Variants in DCLK2 observed in about 807,000 individuals in gnomAD.
DCLK2 encodes serine/threonine-protein kinase DCLK2.
Under a neutral mutation model 78.4 loss-of-function variants are expected in DCLK2, and 31 were observed. The ratio of observed to expected loss-of-function variants is 0.40; its 90% confidence interval spans 0.30 to 0.53. The LOEUF is 0.53. DCLK2 is among the 20% of genes least tolerant of loss of function. DCLK2 has a pLI of 0.61. For missense variants in DCLK2, 872 were observed against 973.7 expected (o/e 0.90, Z 1.39); for synonymous variants, 407 against 374.9 (o/e 1.09, Z -0.99).
At chr4:150,125,970 AT>A (rs1340825706) in intron 2 of DCLK2, among the ~76,000 whole-genome samples, 6 of 152,122 alleles carry the variant, frequency 3.9e-5, no homozygotes, top group Admixed American at 2.0e-4. Flanking sequence ...AAAGAAAATA[AT>A]TTGTCTTAGT....
At chr4:150,089,628 C>G (rs1238992140) in intron 1 of DCLK2, among the ~76,000 whole-genome samples, 1 of 152,170 alleles carries the variant, frequency 6.6e-6, no homozygotes, top group Non-Finnish European at 1.5e-5. Context: ...TTAATTACTT[C>G]AATTACATTA....
At chr4:150,104,422 A>AAAAAAAAAAAAAC (rs1731105646) in intron 2 of DCLK2, among the ~76,000 whole-genome samples, 2 of 141,184 alleles carry the variant, frequency 1.4e-5, no homozygotes, top group Admixed American at 7.2e-5. Context: ...AAAAAAAAAA[A>AAAAAAAAAAAAAC]ATCGAGCATC....
chr4:150,232,910 G>A, intron 10 of DCLK2, 82 bp downstream of exon 10: 1 of 1,506,968 alleles, frequency 6.6e-7, no homozygotes, highest in Non-Finnish European at 9.0e-7. Context: ...GCATTTTATA[G>A]TCTATACCAA....
At chr4:150,094,440 G>A (rs1183614859) in intron 1 of DCLK2, among the ~76,000 whole-genome samples, 3 of 152,178 alleles carry the variant, frequency 2.0e-5, no homozygotes, top group Non-Finnish European at 4.4e-5. Flanking sequence ...ACTACAAAGT[G>A]CGCTTGGACT....
At chr4:150,096,039 T>C (rs1730436017) in intron 1 of DCLK2, among the ~76,000 whole-genome samples, 1 of 152,224 alleles carries the variant, frequency 6.6e-6, no homozygotes, top group Non-Finnish European at 1.5e-5. Flanking sequence ...GAAAATCAAA[T>C]ATACATTTTT....
chr4:150,255,691 T>C (rs1744507659), intron 15 of DCLK2, among the ~76,000 whole-genome samples: 1 of 152,206 alleles, frequency 6.6e-6, no homozygotes, highest in Non-Finnish European at 1.5e-5. Context: ...TTGCTTATTG[T>C]CTCAGAATTC....
At chr4:150,253,568 G>A (rs550541470) in intron 15 of DCLK2, 144 of 1,289,568 alleles carry the variant, frequency 1.1e-4, no homozygotes, top group East Asian at 2.8e-4. Context: ...TATTCACCAC[G>A]CTGCGTCCGA....
At chr4:150,138,676 C>CTCTCT (rs35215580) in intron 2 of DCLK2, among the ~76,000 whole-genome samples, 8 of 151,662 alleles carry the variant, frequency 5.3e-5, no homozygotes, top group Middle Eastern at 3.4e-3. Flanking sequence ...GACTCTTATT[C>CTCTCT]TTTTTTTTGA....
At chr4:150,243,521 C>T (rs147832542) in intron 12 of DCLK2, among the ~76,000 whole-genome samples, 1 of 152,270 alleles carries the variant, frequency 6.6e-6, no homozygotes, top group East Asian at 1.9e-4. Context: ...AGTAGATTGT[C>T]TACATTTGTA....
At chr4:150,115,730 G>A (rs139550765) in intron 2 of DCLK2, among the ~76,000 whole-genome samples, 5 of 152,200 alleles carry the variant, frequency 3.3e-5, no homozygotes, top group South Asian at 2.1e-4. Context: ...AATGGCAGAG[G>A]TCTCTTGAAG....
At chr4:150,237,465 T>C (rs1371429725) in intron 10 of DCLK2, among the ~76,000 whole-genome samples, 1 of 152,204 alleles carries the variant, frequency 6.6e-6, no homozygotes, top group African/African-American at 2.4e-5. Flanking sequence ...CATAAAGATA[T>C]GTGTTAGAGA....
chr4:150,182,687 A>T (rs1737621120), intron 2 of DCLK2, among the ~76,000 whole-genome samples: 1 of 152,138 alleles, frequency 6.6e-6, no homozygotes, highest in Non-Finnish European at 1.5e-5. Flanking sequence ...AATGAAATGC[A>T]GCTCCCTTTT....
At chr4:150,105,984 C>G (rs1045803777) in intron 2 of DCLK2, among the ~76,000 whole-genome samples, 2 of 151,960 alleles carry the variant, frequency 1.3e-5, no homozygotes, top group African/African-American at 4.8e-5. Flanking sequence ...AAAACAAAAA[C>G]TCAAGCACTG....
intron 2 of DCLK2, among the ~76,000 whole-genome samples, chr4:150,175,026 A>ATATATATATATTTATATATATT (rs1560834512): frequency 1.8e-5 from 1 of 55,140 alleles, no homozygotes; most frequent in Non-Finnish European, 3.7e-5. Context: ...ATATATATAT[A>ATATATATATATTTATATATATT]TATATATTTA....
chr4:150,193,021 C>G, intron 2 of DCLK2, 117 bp from the exon 3 acceptor site: 1 of 640,536 alleles, frequency 1.6e-6, no homozygotes, highest in Non-Finnish European at 2.8e-6. Flanking sequence ...TTATATTACA[C>G]AGCTTTCTCT....
Position 150,190,051 on chromosome 4 carries a change from AG to A in DCLK2, c.757-3085del, listed in dbSNP as rs869257013. On this transcript the variant is annotated intron_variant, in intron 2 of 15. Transcript: ENST00000296550. ...CCCTGTCTCAAAAAAAAAAAAAAAA[AG>A]GCCAAGTGTGGTGGCTGTGGTCCCA... is the stretch of plus-strand genomic sequence containing the variant. 8.5e-5 allele frequency among the ~76,000 whole-genome samples: 12 copies of A among 141,670 alleles called. 4 individuals carry two copies. The highest frequency in any genetic ancestry group is 4.8e-4 in the South Asian group (2 of 4,144). 92.9% of individuals were successfully genotyped at this position (141,670 alleles called of 152,430 possible).
intron 4 of DCLK2, among the ~76,000 whole-genome samples, chr4:150,202,352 A>G (rs895425505): frequency 2.6e-5 from 4 of 152,258 alleles, no homozygotes; most frequent in African/African-American, 9.6e-5. Flanking sequence ...AATAAAATCT[A>G]GATCACTGAC....
intron 2 of DCLK2, among the ~76,000 whole-genome samples, chr4:150,167,119 A>G (rs1736147581): frequency 1.3e-5 from 2 of 152,158 alleles, no homozygotes; most frequent in South Asian, 4.1e-4. Context: ...AGTTAAAGGC[A>G]GTTTAGAATG....
At chr4:150,240,259 A>G in intron 11 of DCLK2, 140 bp from the exon 12 acceptor site, 1 of 731,474 alleles carries the variant, frequency 1.4e-6, no homozygotes, top group South Asian at 2.2e-5. Flanking sequence ...AGTGTGATTC[A>G]TTCATCTCTA....
Sources: allele counts gnomAD v4.1 joint callset (sites outside exome capture counted in the v4.1 genomes callset), GRCh38; gene constraint gnomAD v4.1.1; transcripts MANE v1.5; gene names NCBI Gene and HGNC (gene_info 2026-07-23, HGNC 2026-07-21).